Variants in PGBD5 observed in about 807,000 individuals in gnomAD.
PGBD5 encodes piggyBac transposable element derived 5, also known as piggyBac transposable element-derived protein 5.
In PGBD5, 14 loss-of-function variants were observed where a neutral mutation model predicts 47.9. The ratio of observed to expected loss-of-function variants is 0.29; its 90% confidence interval spans 0.19 to 0.46. PGBD5 has a LOEUF of 0.46. PGBD5 is among the 20% of genes least tolerant of loss of function. PGBD5 has a pLI of 1.00. For missense variants in PGBD5, 635 were observed against 716.0 expected, an observed-to-expected ratio of 0.89 and a Z score of 1.29; for synonymous variants, 316 against 306.3, an observed-to-expected ratio of 1.03 and a Z score of -0.33.
At chr1:230,354,223 G>A (rs1168010739) in intron 2 of PGBD5, among the ~76,000 whole-genome samples, 1 of 152,170 alleles carries the variant, frequency 6.6e-6, no homozygotes, top group Non-Finnish European at 1.5e-5. Flanking sequence ...ACACGGAGCT[G>A]GTGCAACAGG....
chr1:230,385,067 G>A (rs1483289882), intron 1 of PGBD5, among the ~76,000 whole-genome samples: 1 of 152,190 alleles, frequency 6.6e-6, no homozygotes, highest in Non-Finnish European at 1.5e-5. Context: ...CATGCCACAT[G>A]AAGAGGCGTG....
At chr1:230,403,794 G>A (rs71654324) in intron 1 of PGBD5, among the ~76,000 whole-genome samples, 1 of 152,170 alleles carries the variant, frequency 6.6e-6, no homozygotes, top group Non-Finnish European at 1.5e-5. Flanking sequence ...CTGAGCCAAC[G>A]AAGAGTGATA....
intron 1 of PGBD5, chr1:230,362,159 G>A: frequency 1.6e-6 from 2 of 1,223,612 alleles, no homozygotes; most frequent in Non-Finnish European, 2.1e-6. Context: ...CCATGCTCTT[G>A]CAACTTCAGC....
At chr1:230,423,071 C>T (rs1248240072) in intron 1 of PGBD5, among the ~76,000 whole-genome samples, 1 of 151,636 alleles carries the variant, frequency 6.6e-6, no homozygotes. Flanking sequence ...CATTTGCATA[C>T]AATACCCAGT....
At chr1:230,362,387 A>G (rs1667761190) in intron 1 of PGBD5, 1 of 1,362,654 alleles carries the variant, frequency 7.3e-7, no homozygotes, top group Non-Finnish European at 9.8e-7. Context: ...CCTGGATGAC[A>G]GACAGTTGTG....
chr1:230,409,441 G>A (rs144907122), intron 1 of PGBD5, among the ~76,000 whole-genome samples: 6 of 152,222 alleles, frequency 3.9e-5, no homozygotes, highest in African/African-American at 1.4e-4. Context: ...TAGCCAATAG[G>A]TGAAAACAAC....
At chr1:230,359,072 CTT>C (rs543587301) in intron 1 of PGBD5, among the ~76,000 whole-genome samples, 2 of 146,634 alleles carry the variant, frequency 1.4e-5, no homozygotes, top group Non-Finnish European at 1.5e-5. Flanking sequence ...TTTTTCTTTT[CTT>C]TTTTTTTTTG....
chr1:230,364,322 C>T (rs2102711740), intron 1 of PGBD5, among the ~76,000 whole-genome samples: 1 of 152,352 alleles, frequency 6.6e-6, no homozygotes, highest in East Asian at 1.9e-4. Flanking sequence ...CTTCCCCTTT[C>T]TGCATAGGTC....
chr1:230,329,746 G>A (rs1201415802), intron 5 of PGBD5, among the ~76,000 whole-genome samples: 1 of 152,244 alleles, frequency 6.6e-6, no homozygotes, highest in Non-Finnish European at 1.5e-5. Flanking sequence ...CAGAGGTGCA[G>A]CTGCTGGGTC....
intron 3 of PGBD5, 33 bp from the exon 4 acceptor site, chr1:230,337,321 C>G: frequency 6.4e-7 from 1 of 1,562,198 alleles, no homozygotes; most frequent in Non-Finnish European, 8.7e-7. Context: ...TTAGCGTGCT[C>G]ACAGCAGTGT....
In PGBD5 at chr1:230,321,795, T is replaced by C. The variant is rs1056515517; in HGVS notation, c.*1630A>G. 6.6e-6 allele frequency: 1 copy of C among 152,594 alleles called. No homozygotes were observed. The highest frequency in any genetic ancestry group is 1.5e-5 in the Non-Finnish European group (1 of 68,040). 9.5% of individuals were successfully genotyped at this position (152,594 alleles called of 1,614,324 possible). A position where few individuals can be genotyped will look rare whatever the true frequency, so the allele number is the denominator to read the frequency against. On this transcript the variant is annotated 3_prime_UTR_variant, in exon 7 of 7. Transcript: ENST00000391860. ...AGAAAAGCATCACAAATTAAAAATA[T>C]ATTTCTCCATGTGGTAAAAGTGCTT... is the stretch of plus-strand genomic sequence containing the variant.
chr1:230,410,703 C>T (rs971368650), intron 1 of PGBD5, among the ~76,000 whole-genome samples: 3 of 152,024 alleles, frequency 2.0e-5, no homozygotes, highest in South Asian at 2.1e-4. Flanking sequence ...GTGTCAAATG[C>T]CTTCAATATT....
intron 1 of PGBD5, among the ~76,000 whole-genome samples, chr1:230,420,080 T>C (rs763032583): frequency 6.6e-6 from 1 of 152,060 alleles, no homozygotes; most frequent in Non-Finnish European, 1.5e-5. Flanking sequence ...GCACCAAGAT[T>C]GTGCCATTGC....
intron 1 of PGBD5, among the ~76,000 whole-genome samples, chr1:230,404,026 A>C (rs1657209481): frequency 6.6e-6 from 1 of 152,238 alleles, no homozygotes; most frequent in Non-Finnish European, 1.5e-5. Context: ...TTCAAAGAGA[A>C]GAAAGGTGGG....
intron 3 of PGBD5, among the ~76,000 whole-genome samples, chr1:230,346,716 C>T (rs1193176764): frequency 6.6e-6 from 1 of 152,192 alleles, no homozygotes; most frequent in South Asian, 2.1e-4. Context: ...ACATACCCTA[C>T]TGTATATGAC....
chr1:230,332,786 G>T, intron 5 of PGBD5, 58 bp downstream of exon 5: 1 of 1,598,328 alleles, frequency 6.3e-7, no homozygotes, highest in South Asian at 1.1e-5. Context: ...CGGTGGGCTC[G>T]GCCAAGCTCA....
Position 230,332,830 on chromosome 1 carries a change from G to T in PGBD5, c.1273+14C>A. 1.2e-6 allele frequency: 2 copies of T among 1,614,044 alleles called. No homozygotes were observed. The highest frequency in any genetic ancestry group is 1.7e-6 in the Non-Finnish European group (2 of 1,179,964). On this transcript the variant is annotated intron_variant, in intron 5 of 6. Transcript: ENST00000391860. ...CCGCGCGCCCCACTGTGTCAATGGC[G>T]GACCCGCACTCACCCTGCTGCACCG...
chr1:230,393,783 C>T (rs1407525904), intron 1 of PGBD5, among the ~76,000 whole-genome samples: 3 of 150,066 alleles, frequency 2.0e-5, no homozygotes, highest in African/African-American at 7.4e-5. Flanking sequence ...GGAGATCGCG[C>T]CACAGCACTC....
At chr1:230,325,553 A>G in intron 5 of PGBD5, 138 bp from the exon 6 acceptor site, 1 of 660,590 alleles carries the variant, frequency 1.5e-6, no homozygotes, top group Non-Finnish European at 2.7e-6. Flanking sequence ...GGAAGAGTTG[A>G]AGAAGAACAA....
Sources: gnomAD v4.1 joint callset for allele counts (sites outside exome capture counted in the v4.1 genomes callset) on GRCh38, gnomAD v4.1.1 for gene constraint, MANE v1.5 for transcripts, NCBI Gene and HGNC (gene_info 2026-07-23, HGNC 2026-07-21) for gene names.